Variants in SH3GL2 observed in about 807,000 individuals in gnomAD.
SH3GL2 encodes the protein SH3 domain containing GRB2 like 2, endophilin A1, also known as endophilin-A1.
Under a neutral mutation model 46.0 loss-of-function variants are expected in SH3GL2, and 24 were observed. The ratio of observed to expected loss-of-function variants is 0.52; its 90% CI spans 0.38 to 0.73. The LOEUF (loss-of-function observed/expected upper bound fraction) is 0.73. Among genes scored for constraint, SH3GL2 ranks in the 30% least tolerant of loss-of-function variants. The pLI, the probability that SH3GL2 is intolerant of heterozygous loss-of-function variation, is 0.00. For missense variants in SH3GL2, 413 were observed against 424.2 expected (o/e 0.97, Z 0.23); for synonymous variants, 196 against 147.1 (o/e 1.33, Z -2.40).
chr9:17,706,063 G>A (rs1393189009), intron 1 of SH3GL2, among the ~76,000 whole-genome samples: 2 of 151,934 alleles, frequency 1.3e-5, no homozygotes, highest in Non-Finnish European at 1.5e-5. Flanking sequence ...AGTATTAGTC[G>A]ATGATATCAA....
At chr9:17,733,088 C>A (rs921438332) in intron 1 of SH3GL2, among the ~76,000 whole-genome samples, 2 of 152,074 alleles carry the variant, frequency 1.3e-5, no homozygotes, top group African/African-American at 4.8e-5. Flanking sequence ...CCCATCAAAT[C>A]ATAAGTTTAA....
At chr9:17,593,560 G>T (rs1266447884) in intron 1 of SH3GL2, among the ~76,000 whole-genome samples, 1 of 152,174 alleles carries the variant, frequency 6.6e-6, no homozygotes, top group African/African-American at 2.4e-5. Flanking sequence ...AAGGACACAA[G>T]AATGTACCAA....
At chr9:17,731,301 T>A (rs755888622) in intron 1 of SH3GL2, among the ~76,000 whole-genome samples, 3 of 151,916 alleles carry the variant, frequency 2.0e-5, no homozygotes, top group Non-Finnish European at 4.4e-5. Flanking sequence ...TATTTGGAGA[T>A]GGGGCCCTTG....
intron 1 of SH3GL2, among the ~76,000 whole-genome samples, chr9:17,670,296 A>C (rs1305377424): frequency 6.6e-6 from 1 of 151,948 alleles, no homozygotes; most frequent in African/African-American, 2.4e-5. Context: ...CTTCCAGGCT[A>C]CTCTTTGTTA....
chr9:17,601,719 G>A (rs1434306539), intron 1 of SH3GL2, among the ~76,000 whole-genome samples: 1 of 152,184 alleles, frequency 6.6e-6, no homozygotes, highest in Non-Finnish European at 1.5e-5. Context: ...TCTCTGGAAT[G>A]CTTAAATAGA....
chr9:17,641,784 G>A (rs191293774), intron 1 of SH3GL2, among the ~76,000 whole-genome samples: 52 of 151,830 alleles, frequency 3.4e-4, no homozygotes, highest in Admixed American at 3.0e-3. Flanking sequence ...CCTTTTTTGT[G>A]GCTGCATAGT....
At position 17,735,309 on chromosome 9, in the gene SH3GL2, C is replaced by G. The variant is rs563296211; in HGVS notation, c.46-11757C>G. On this transcript the variant is annotated intron_variant, in intron 1 of 8. Transcript: ENST00000380607. The stretch of plus-strand genomic sequence containing the variant: ...GCCAGGTTGGAATCCTGCAATAGGA[C>G]TTAGCACCTGTCCTCAGTTTAATGT... Among the ~76,000 whole-genome samples the G allele has an allele frequency of 2.0e-5, 3 of 152,216 alleles. No individual in the cohort carries two copies. In the East Asian group the frequency reaches 5.8e-4, roughly 30 times the overall value.
intron 3 of SH3GL2, among the ~76,000 whole-genome samples, chr9:17,776,963 G>A (rs1218559451): frequency 6.6e-6 from 1 of 152,146 alleles, no homozygotes; most frequent in African/African-American, 2.4e-5. Context: ...CCACTGGATT[G>A]AACTGCCAAG....
At chr9:17,776,336 A>G (rs1823640513) in intron 3 of SH3GL2, among the ~76,000 whole-genome samples, 1 of 152,180 alleles carries the variant, frequency 6.6e-6, no homozygotes, top group African/African-American at 2.4e-5. Flanking sequence ...GGAGCATTCC[A>G]TCTTCTGGCA....
At chr9:17,623,709 C>T (rs1819211521) in intron 1 of SH3GL2, among the ~76,000 whole-genome samples, 1 of 129,632 alleles carries the variant, frequency 7.7e-6, no homozygotes, top group African/African-American at 3.3e-5. Flanking sequence ...ATTTCCTACA[C>T]ACACACACAC....
At chr9:17,596,589 AAG>A (rs566549638) in intron 1 of SH3GL2, among the ~76,000 whole-genome samples, 1 of 152,304 alleles carries the variant, frequency 6.6e-6, no homozygotes, top group African/African-American at 2.4e-5. Context: ...CTAGCAAAAA[AAG>A]AATGAAGTGA....
At position 17,581,890 on chromosome 9, in the gene SH3GL2, G is replaced by C. The variant is rs995394076; in HGVS notation, c.45+2603G>C. Among the ~76,000 whole-genome samples the C allele has an allele frequency of 4.6e-5, 7 of 152,188 alleles. No individual in the cohort carries two copies. In the South Asian group the frequency reaches 1.5e-3, roughly 32 times the overall value. ...ATTTTTGTATTTTTAGTAGAGACAG[G>C]GTTTAGCCATGTTAACCAGGCTGGT... On this transcript the variant is annotated intron_variant, in intron 1 of 8. Coordinates refer to ENST00000380607, the MANE Select transcript of SH3GL2 (RefSeq NM_003026.5).
intron 1 of SH3GL2, among the ~76,000 whole-genome samples, chr9:17,642,036 A>G (rs1221426968): frequency 6.6e-6 from 1 of 152,174 alleles, no homozygotes. Flanking sequence ...CCAATAGTTG[A>G]ACTAATTTAC....
intron 1 of SH3GL2, among the ~76,000 whole-genome samples, chr9:17,611,173 G>T (rs113869770): frequency 3.4e-4 from 51 of 151,972 alleles, no homozygotes; most frequent in Admixed American, 6.6e-4. Flanking sequence ...TCGATCATTG[G>T]TTTTTTTTAT....
In SH3GL2 at chr9:17,741,435, A is replaced by C. The variant is rs182340654; in HGVS notation, c.46-5631A>C. Among the ~76,000 whole-genome samples, 10 of 152,328 alleles carry C rather than the reference A, an allele frequency of 6.6e-5. No homozygotes were observed. In the East Asian group the frequency reaches 1.7e-3, roughly 26 times the overall value. ...TGAAAGTTGTATAGTGGATGAATGC[A>C]GAATAGTTAAAATGAAGATAGAATT... On this transcript the variant is annotated intron_variant, in intron 1 of 8. Transcript: ENST00000380607.
At chr9:17,786,034 C>T (rs111811013) in intron 3 of SH3GL2, among the ~76,000 whole-genome samples, 1 of 152,188 alleles carries the variant, frequency 6.6e-6, no homozygotes, top group African/African-American at 2.4e-5. Flanking sequence ...TTGTAAAAAG[C>T]TCTCCATGGA....
intron 1 of SH3GL2, among the ~76,000 whole-genome samples, chr9:17,685,921 C>G (rs1820895155): frequency 6.6e-6 from 1 of 151,174 alleles, no homozygotes; most frequent in Admixed American, 6.6e-5. Flanking sequence ...GCAATGGCAA[C>G]AAAAGACAAA....
At chr9:17,644,231 T>A (rs28821196) in intron 1 of SH3GL2, among the ~76,000 whole-genome samples, 1,898 of 152,264 alleles carry the variant, frequency 0.012, 42 homozygotes, top group African/African-American at 0.043. Context: ...TCTCTTTTCT[T>A]CTTTATTAGT....
intron 1 of SH3GL2, among the ~76,000 whole-genome samples, chr9:17,685,915 T>C (rs1820894932): frequency 6.6e-6 from 1 of 151,520 alleles, no homozygotes; most frequent in African/African-American, 2.4e-5. Flanking sequence ...CCAAAAGCAA[T>C]GGCAACAAAA....
Sources: allele counts gnomAD v4.1 joint callset (sites outside exome capture counted in the v4.1 genomes callset), GRCh38; gene constraint gnomAD v4.1.1; transcripts MANE v1.5; gene names NCBI Gene and HGNC (gene_info 2026-07-23, HGNC 2026-07-21).